Variants in HDAC9 observed in about 807,000 individuals in gnomAD.
HDAC9 encodes MEF-2 interacting transcription repressor (MITR) protein.
HDAC9 carries 41 observed loss-of-function variants against 139.4 expected under a neutral mutation model. The observed-to-expected ratio is 0.29, with a 90% CI of 0.23 to 0.38. The LOEUF (loss-of-function observed/expected upper bound fraction) is 0.38. Among genes scored for constraint, HDAC9 ranks in the 10% least tolerant of loss-of-function variants. The pLI is 1.00. For missense variants in HDAC9, 1,147 were observed against 1,297.0 expected, an observed-to-expected ratio of 0.88 and a Z score of 1.78; for synonymous variants, 517 against 476.2, an observed-to-expected ratio of 1.09 and a Z score of -1.12.
chr7:18,100,161 T>G (rs1319260656), intron 1 of HDAC9, among the ~76,000 whole-genome samples: 2 of 152,158 alleles, frequency 1.3e-5, no homozygotes, highest in Admixed American at 6.5e-5. Context: ...ATTTGCATTT[T>G]TTTTTACAAG....
intron 2 of HDAC9, among the ~76,000 whole-genome samples, chr7:18,531,790 G>C (rs1809056034): frequency 6.6e-6 from 1 of 151,952 alleles, no homozygotes; most frequent in Admixed American, 6.6e-5. Flanking sequence ...CACTTCTACT[G>C]TTGGAGTTCT....
At chr7:18,494,569 C>A (rs1042224350), upstream of HDAC9, among the ~76,000 whole-genome samples, 2 of 152,000 alleles carry the variant, frequency 1.3e-5, no homozygotes, top group African/African-American at 2.4e-5. Context: ...ATGCTAGGAT[C>A]CCTCTTTGGA....
chr7:18,089,223 C>G (rs1410514037), intron 1 of HDAC9, among the ~76,000 whole-genome samples: 1 of 150,440 alleles, frequency 6.6e-6, no homozygotes, highest in Non-Finnish European at 1.5e-5. Flanking sequence ...TTTTTTTTAA[C>G]CTTGATCTTC....
chr7:18,372,040 A>G (rs947798343), intron 1 of HDAC9, among the ~76,000 whole-genome samples: 12 of 152,316 alleles, frequency 7.9e-5, no homozygotes, highest in Non-Finnish European at 1.5e-5. Context: ...CTTTGAATCA[A>G]TAACTTTCTT....
chr7:18,497,673 A>G (rs985651920), intron 2 of HDAC9, among the ~76,000 whole-genome samples: 2 of 152,190 alleles, frequency 1.3e-5, no homozygotes, highest in Non-Finnish European at 2.9e-5. Context: ...TTTAACAGGT[A>G]TGTCTCTAAT....
At chr7:18,733,034 T>C (rs1258596000) in intron 13 of HDAC9, among the ~76,000 whole-genome samples, 13 of 144,956 alleles carry the variant, frequency 9.0e-5, no homozygotes, top group African/African-American at 2.5e-4. Context: ...TATGTATATA[T>C]ACAGATATAC....
chr7:18,605,843 G>C (rs1835326943), intron 6 of HDAC9, among the ~76,000 whole-genome samples: 2 of 152,180 alleles, frequency 1.3e-5, no homozygotes, highest in African/African-American at 4.8e-5. Context: ...ACCATGCCCA[G>C]CTAATTTTTT....
chr7:18,266,275 G>C (rs957456348), intron 2 of HDAC9, among the ~76,000 whole-genome samples: 1 of 152,074 alleles, frequency 6.6e-6, no homozygotes, highest in Non-Finnish European at 1.5e-5. Context: ...AGTTTTCCTT[G>C]AAAGTTCTAA....
At chr7:18,618,816 T>C (rs1839431215) in intron 6 of HDAC9, among the ~76,000 whole-genome samples, 1 of 148,248 alleles carries the variant, frequency 6.7e-6, no homozygotes, top group Non-Finnish European at 1.5e-5. Context: ...CACAGAATTT[T>C]AGAGTGAACA....
At chr7:18,168,889 T>TGTGTG (rs1477545915) in intron 2 of HDAC9, among the ~76,000 whole-genome samples, 5 of 118,344 alleles carry the variant, frequency 4.2e-5, no homozygotes, top group African/African-American at 2.0e-4. Context: ...GTTTTTTTTT[T>TGTGTG]TTTTTTTTTG....
intron 21 of HDAC9, among the ~76,000 whole-genome samples, chr7:18,867,716 A>G (rs1288567070): frequency 6.6e-6 from 1 of 152,098 alleles, no homozygotes; most frequent in East Asian, 1.9e-4. Flanking sequence ...GAGTATTTTT[A>G]GTTCCGAAAA....
chr7:18,963,576 T>C (rs1475367826), intron 24 of HDAC9, among the ~76,000 whole-genome samples: 4 of 152,200 alleles, frequency 2.6e-5, no homozygotes, highest in Admixed American at 1.3e-4. Flanking sequence ...GGAGGATTAC[T>C]TTCAAATAAT....
chr7:18,339,803 CA>C (rs1781864701), intron 1 of HDAC9, among the ~76,000 whole-genome samples: 1 of 151,422 alleles, frequency 6.6e-6, no homozygotes, highest in Non-Finnish European at 1.5e-5. Context: ...TTATTGCACA[CA>C]ATGTGGTCTA....
chr7:18,864,734 G>T (rs1360563028), intron 21 of HDAC9, among the ~76,000 whole-genome samples: 1 of 152,094 alleles, frequency 6.6e-6, no homozygotes, highest in Non-Finnish European at 1.5e-5. Flanking sequence ...GGTTGCCAGG[G>T]GCTTGGAGGA....
At position 18,125,983 on chromosome 7, in the gene HDAC9, T is replaced by C. The variant is rs1371606603; in HGVS notation, c.-96-36246T>C. Reference sequence around the variant, plus strand: ...TATCATTTGTTTATTTGTTGGTCTATCTACCTGTATGTTTTCCTTCTTCCT... The same window carrying C: ...TATCATTTGTTTATTTGTTGGTCTACCTACCTGTATGTTTTCCTTCTTCCT... On this transcript the variant is annotated intron_variant, in intron 1 of 12. Transcript: ENST00000417496. Among the ~76,000 whole-genome samples, 2 of 152,324 alleles carry C rather than the reference T, an allele frequency of 1.3e-5. 1 individual carries two copies. The highest frequency in any genetic ancestry group is 4.1e-4 in the South Asian group (2 of 4,832).
At chr7:18,559,127 A>G (rs1339582377) in intron 2 of HDAC9, among the ~76,000 whole-genome samples, 1 of 152,214 alleles carries the variant, frequency 6.6e-6, no homozygotes, top group East Asian at 1.9e-4. Flanking sequence ...CTGACAAGTT[A>G]CAACTTGTTC....
At chr7:18,806,607 A>G (rs918509271) in intron 17 of HDAC9, among the ~76,000 whole-genome samples, 24 of 152,204 alleles carry the variant, frequency 1.6e-4, no homozygotes, top group Admixed American at 6.5e-5. Context: ...TAATTATGAT[A>G]TTAGCTGTGC....
At chr7:18,296,365 C>A (rs1030154321) in intron 1 of HDAC9, among the ~76,000 whole-genome samples, 1 of 151,394 alleles carries the variant, frequency 6.6e-6, no homozygotes, top group Non-Finnish European at 1.5e-5. Flanking sequence ...AGATCTACGT[C>A]TTTAAAAATA....
chr7:18,492,368 T>C (rs1237566541), upstream of HDAC9, among the ~76,000 whole-genome samples: 1 of 151,890 alleles, frequency 6.6e-6, no homozygotes, highest in Non-Finnish European at 1.5e-5. Context: ...TTTGGTGCCA[T>C]ACAGGTTTTT....
Sources: allele counts gnomAD v4.1 joint callset (sites outside exome capture counted in the v4.1 genomes callset), GRCh38; gene constraint gnomAD v4.1.1; transcripts MANE v1.5; gene names NCBI Gene and HGNC (gene_info 2026-07-23, HGNC 2026-07-21).